CRYBG1: variants seen among roughly 807,000 people sequenced by gnomAD.
CRYBG1 encodes beta/gamma crystallin domain-containing protein 1.
A neutral mutation model predicts 189.2 loss-of-function variants in CRYBG1; 139 were observed. The observed-to-expected ratio is 0.73, with a 90% CI of 0.64 to 0.85. The LOEUF (loss-of-function observed/expected upper bound fraction) is 0.85. CRYBG1 is among the 40% of genes least tolerant of loss of function. The pLI, the probability that CRYBG1 is intolerant of heterozygous loss-of-function variation, is 0.00. For synonymous variants in CRYBG1, 1,023 were observed against 1,017.1 expected (o/e 1.01, Z -0.11); for missense variants, 2,611 against 2,675.8 (o/e 0.98, Z 0.53).
chr6:106,527,177 T>C (rs2114550729), intron 6 of CRYBG1, 128 bp from the exon 7 acceptor site: 1 of 695,842 alleles, frequency 1.4e-6, no homozygotes, highest in East Asian at 3.0e-5. Context: ...TAAGCTATTT[T>C]AATTGCTAGA....
intron 2 of CRYBG1, among the ~76,000 whole-genome samples, chr6:106,482,646 G>A (rs1772493546): frequency 6.6e-6 from 1 of 152,022 alleles, no homozygotes; most frequent in African/African-American, 2.4e-5. Flanking sequence ...GTGGTGGCGG[G>A]CACCTGTATT....
chr6:106,552,218 T>C lies in CRYBG1; in HGVS notation c.5472+2T>C. On this transcript the variant is annotated splice_donor_variant, in intron 15 of 21. Coordinates refer to ENST00000633556, the MANE Select transcript of CRYBG1 (RefSeq NM_001371242.2). LOFTEE classifies it high-confidence loss of function. The stretch of plus-strand genomic sequence containing the variant: ...ACTGGCCCAAGGAGACGAAATCAGG[T>C]AACTTTAAAAATATTCTTTTATATT... 6.5e-7 allele frequency: 1 copy of C among 1,549,944 alleles called. No individual in the cohort carries two copies. The highest frequency in any genetic ancestry group is 8.8e-7 in the Non-Finnish European group (1 of 1,138,226).
intron 1 of CRYBG1, among the ~76,000 whole-genome samples, chr6:106,379,769 C>G (rs1329602985): frequency 1.3e-5 from 2 of 151,970 alleles, no homozygotes; most frequent in African/African-American, 2.4e-5. Flanking sequence ...ACTGTGTTGC[C>G]CAGCTTGAGG....
intron 1 of CRYBG1, among the ~76,000 whole-genome samples, chr6:106,439,667 C>T (rs1288760021): frequency 6.6e-6 from 1 of 151,638 alleles, no homozygotes; most frequent in African/African-American, 2.4e-5. Flanking sequence ...TTTAGTGACT[C>T]AACTCTCTCT....
At chr6:106,527,886 T>A (rs116251859) in intron 7 of CRYBG1, among the ~76,000 whole-genome samples, 1,628 of 152,332 alleles carry the variant, frequency 0.011, 25 homozygotes, top group African/African-American at 0.036. Flanking sequence ...GTTGATTAAC[T>A]CTGGGATTTC....
Position 106,544,546 on chromosome 6 carries a change from ACTC to A in CRYBG1, c.5040-21_5040-19del, listed in dbSNP as rs777093072. 4 of 1,606,202 alleles carry A rather than the reference ACTC, an allele frequency of 2.5e-6. No homozygotes were observed. In the African/African-American group the frequency reaches 5.4e-5, roughly 22 times the overall value. On this transcript the variant is annotated intron_variant, in intron 11 of 21. Transcript: ENST00000633556. Reference sequence around the variant, plus strand: ...AATGTTAACATGTCTGGAAATGACTACTCCTCGTGTTCTTTATGTTGCAGTTGG... The same window carrying A: ...AATGTTAACATGTCTGGAAATGACTACTCGTGTTCTTTATGTTGCAGTTGG...
intron 19 of CRYBG1, 32 bp from the exon 20 acceptor site, chr6:106,561,310 G>A (rs772299518): frequency 1.9e-6 from 3 of 1,607,712 alleles, no homozygotes; most frequent in Non-Finnish European, 2.5e-6. Context: ...AGCACATCTG[G>A]TATAACAACT....
chr6:106,456,272 G>A (rs1679777214), intron 2 of CRYBG1, among the ~76,000 whole-genome samples: 1 of 151,774 alleles, frequency 6.6e-6, no homozygotes, highest in South Asian at 2.1e-4. Flanking sequence ...TGCTGCCTCA[G>A]CCTCCCTACT....
chr6:106,570,833 T>A lies in CRYBG1; in HGVS notation c.*2267T>A, dbSNP rs1368438411. On this transcript the variant is annotated 3_prime_UTR_variant, in exon 22 of 22. Coordinates refer to ENST00000633556, the MANE Select transcript of CRYBG1 (RefSeq NM_001371242.2). ...GAGAAAAGCCTACATCTAACATACA[T>A]GCTACCAAACGAGTGTCTAACAGGA... 1.3e-5 allele frequency: 2 copies of A among 152,094 alleles called. No homozygotes were observed. The highest frequency in any genetic ancestry group is 2.9e-5 in the Non-Finnish European group (2 of 68,014). The allele number at this position is 152,094 out of a possible 1,614,324, so 9.4% of individuals were successfully genotyped here. A position where few individuals can be genotyped will look rare whatever the true frequency, so the allele number is the denominator to read the frequency against.
chr6:106,384,751 A>T (rs1472658604), intron 1 of CRYBG1, among the ~76,000 whole-genome samples: 1 of 152,064 alleles, frequency 6.6e-6, no homozygotes, highest in Admixed American at 6.6e-5. Context: ...AAAGTAAAAC[A>T]TACTTTTAAG....
chr6:106,405,871 G>T (rs530476291), intron 1 of CRYBG1, among the ~76,000 whole-genome samples: 1 of 152,254 alleles, frequency 6.6e-6, no homozygotes, highest in South Asian at 2.1e-4. Flanking sequence ...CCCATCCAAA[G>T]GTCACCAACA....
chr6:106,458,567 T>A (rs1176886623), intron 2 of CRYBG1, among the ~76,000 whole-genome samples: 1 of 152,172 alleles, frequency 6.6e-6, no homozygotes, highest in Non-Finnish European at 1.5e-5. Flanking sequence ...ATTTATAAAT[T>A]TTTTTTCATG....
chr6:106,442,735 T>C (rs775453256), intron 1 of CRYBG1, among the ~76,000 whole-genome samples: 1 of 152,178 alleles, frequency 6.6e-6, no homozygotes, highest in Non-Finnish European at 1.5e-5. Context: ...GATGTTATTA[T>C]ATGCCACGGC....
intron 2 of CRYBG1, among the ~76,000 whole-genome samples, chr6:106,455,781 C>T (rs1771875328): frequency 6.6e-6 from 1 of 151,600 alleles, no homozygotes; most frequent in Admixed American, 6.6e-5. Context: ...TTGCTTTAAC[C>T]GTTTGGATCT....
intron 17 of CRYBG1, among the ~76,000 whole-genome samples, chr6:106,557,801 A>G (rs1232579897): frequency 6.6e-6 from 1 of 152,246 alleles, no homozygotes; most frequent in African/African-American, 2.4e-5. Context: ...ATGTAGAATC[A>G]AAAGTGTCTA....
At chr6:106,545,044 G>T in intron 13 of CRYBG1, 111 bp downstream of exon 13, 5 of 846,916 alleles carry the variant, frequency 5.9e-6, no homozygotes, top group South Asian at 2.1e-5. Context: ...TATCTCAACA[G>T]CTTAACATTA....
chr6:106,453,837 C>T (rs993659599), intron 2 of CRYBG1, among the ~76,000 whole-genome samples: 1 of 152,132 alleles, frequency 6.6e-6, no homozygotes, highest in Non-Finnish European at 1.5e-5. Flanking sequence ...AGGAAGGAGG[C>T]CAGTTGGTAT....
chr6:106,473,538 C>T (rs1021527026), intron 2 of CRYBG1, among the ~76,000 whole-genome samples: 16 of 152,264 alleles, frequency 1.1e-4, no homozygotes, highest in East Asian at 1.9e-4. Flanking sequence ...GAGAACCAGG[C>T]GATGGACACA....
chr6:106,364,141 AT>A (rs35327108), intron 1 of CRYBG1, among the ~76,000 whole-genome samples: 96,355 of 151,788 alleles, frequency 0.63, 30,611 homozygotes, highest in East Asian at 0.72. Context: ...CTTGGCCAAC[AT>A]AGTGAAACCT....
Sources: allele counts gnomAD v4.1 joint callset (sites outside exome capture counted in the v4.1 genomes callset), GRCh38; gene constraint gnomAD v4.1.1; transcripts MANE v1.5; gene names NCBI Gene and HGNC (gene_info 2026-07-23, HGNC 2026-07-21).